Variants in SATL1 observed in about 807,000 individuals in gnomAD.
The protein encoded by SATL1 is spermidine/spermine N1-acetyl transferase like 1.
Under a neutral mutation model 51.8 loss-of-function variants are expected in SATL1, and 47 were observed. That is an observed-to-expected ratio of 0.91 (90% CI 0.72 to 1.16). The LOEUF (loss-of-function observed/expected upper bound fraction) is 1.16, where lower values mean the gene tolerates loss of function less well. Among genes scored for constraint, SATL1 ranks in the 50% most tolerant of loss-of-function variants. The pLI is 0.00. For missense variants in SATL1, 520 were observed against 526.4 expected (o/e 0.99, Z 0.12); for synonymous variants, 176 against 182.4 (o/e 0.97, Z 0.28).
intron 2 of SATL1, among the ~76,000 whole-genome samples, chrX:85,220,502 C>T (rs2147760569): frequency 9.3e-6 from 1 of 107,403 alleles, no homozygotes; most frequent in African/African-American, 3.4e-5. Context: ...CCCCTTTCTT[C>T]CTCTTGAGGT....
chrX:85,142,312 C>T (rs944416419), intron 2 of SATL1, among the ~76,000 whole-genome samples: 2 of 103,567 alleles, frequency 1.9e-5, no homozygotes, highest in African/African-American at 3.6e-5. Context: ...AGGAGAATGG[C>T]GTGAACCCGG....
chrX:85,127,279 A>G (rs1336251637), intron 2 of SATL1, among the ~76,000 whole-genome samples: 2 of 111,416 alleles, frequency 1.8e-5, no homozygotes, highest in African/African-American at 6.5e-5. Flanking sequence ...TAAGGCAGGG[A>G]TAATATTTGC....
intron 2 of SATL1, among the ~76,000 whole-genome samples, chrX:85,216,043 G>C (rs1398976392): frequency 2.7e-5 from 3 of 112,043 alleles, no homozygotes; most frequent in Admixed American, 1.9e-4. Context: ...CTGCAGGCTA[G>C]ATGACCGGGA....
chrX:85,178,322 AC>A (rs1174447930), intron 2 of SATL1, among the ~76,000 whole-genome samples: 1 of 111,586 alleles, frequency 9.0e-6, no homozygotes, highest in Non-Finnish European at 1.9e-5. Flanking sequence ...AATTCTGGAG[AC>A]CATCTATTTA....
intron 2 of SATL1, among the ~76,000 whole-genome samples, chrX:85,131,923 G>C (rs896785852): frequency 5.4e-5 from 6 of 111,337 alleles, no homozygotes; most frequent in East Asian, 2.8e-4. Context: ...AGTTTGGCTG[G>C]ATATGAAATT....
chrX:85,223,390 C>T (rs1928212057), intron 2 of SATL1, among the ~76,000 whole-genome samples: 1 of 110,825 alleles, frequency 9.0e-6, no homozygotes, highest in Non-Finnish European at 1.9e-5. Flanking sequence ...CTCATATGAC[C>T]TCAAAAAAGA....
At position 85,154,617 on chromosome X, in the gene SATL1, G is replaced by A. The variant is rs762372720; in HGVS notation, c.-312-45337C>T. Among the ~76,000 whole-genome samples the A allele has an allele frequency of 8.9e-5, 10 of 112,157 alleles. 1 individual carries two copies. In the East Asian group the frequency reaches 2.5e-3, roughly 29 times the overall value. On this transcript the variant is annotated intron_variant, in intron 2 of 7. Coordinates refer to ENST00000644105, the MANE Select transcript of SATL1 (RefSeq NM_001367857.2). ...AGGCACAAAAAGATCAAATAACTTA[G>A]CCAAGGTTACAGGCCTAACTCTGAA...
chrX:85,154,203 A>G (rs1408771459), intron 2 of SATL1, among the ~76,000 whole-genome samples: 1 of 111,120 alleles, frequency 9.0e-6, no homozygotes, highest in African/African-American at 3.3e-5. Flanking sequence ...TTTCCTTCCC[A>G]CCAAGGGTCA....
chrX:85,205,985 G>C (rs1381639680), intron 2 of SATL1, among the ~76,000 whole-genome samples: 4 of 111,639 alleles, frequency 3.6e-5, no homozygotes, highest in Non-Finnish European at 7.5e-5. Flanking sequence ...ATGAAGGAAA[G>C]ACAGAAATCA....
At chrX:85,115,708 A>G (rs961548646) in intron 2 of SATL1, among the ~76,000 whole-genome samples, 2 of 112,248 alleles carry the variant, frequency 1.8e-5, no homozygotes, top group Non-Finnish European at 3.8e-5. Context: ...CAAAACACAC[A>G]CAGAGAGAAC....
chrX:85,197,203 C>G (rs1927584468), intron 2 of SATL1, among the ~76,000 whole-genome samples: 1 of 111,340 alleles, frequency 9.0e-6, no homozygotes, highest in Admixed American at 9.6e-5. Context: ...ACATTTCTCT[C>G]ATTTTAATTT....
chrX:85,206,477 A>G (rs1927793864), intron 2 of SATL1, among the ~76,000 whole-genome samples: 1 of 111,941 alleles, frequency 8.9e-6, no homozygotes, highest in Admixed American at 9.5e-5. Context: ...CTACTGTATT[A>G]AGAAGTGCTA....
chrX:85,220,687 A>AAAAAAAT, intron 2 of SATL1, among the ~76,000 whole-genome samples: 3 of 91,902 alleles, frequency 3.3e-5, no homozygotes, highest in Non-Finnish European at 6.3e-5. Context: ...AAAAAAAAAA[A>AAAAAAAT]CTCTCCTGGA....
intron 1 of SATL1, among the ~76,000 whole-genome samples, chrX:85,236,884 G>T (rs897341517): frequency 3.9e-4 from 43 of 111,579 alleles, no homozygotes; most frequent in African/African-American, 1.4e-3. Flanking sequence ...TTAAAAGGAA[G>T]AAGTCAAATT....
intron 2 of SATL1, among the ~76,000 whole-genome samples, chrX:85,217,206 G>C (rs1260421382): frequency 2.7e-5 from 3 of 111,301 alleles, no homozygotes; most frequent in Non-Finnish European, 5.7e-5. Context: ...TAAAAGCTCA[G>C]AGGGTAGTGA....
rs760374442 is a variant in SATL1, at chrX:85,131,980, A to G, written c.-312-22700T>C. 1.1e-4 allele frequency among the ~76,000 whole-genome samples: 12 copies of G among 111,610 alleles called. No individual in the cohort carries two copies. The East Asian group carries it at 2.8e-3, about 26-fold the overall frequency. On this transcript the variant is annotated intron_variant, in intron 2 of 7. Coordinates refer to ENST00000644105, the MANE Select transcript of SATL1 (RefSeq NM_001367857.2). The stretch of plus-strand genomic sequence containing the variant: ...TTAAGAATACTGAATACTGGCCCCC[A>G]GTCTCTTCTGGCTTGTAAGGTTTCT...
At chrX:85,227,273 T>C (rs1413345297) in intron 1 of SATL1, among the ~76,000 whole-genome samples, 1 of 111,740 alleles carries the variant, frequency 8.9e-6, no homozygotes, top group Admixed American at 9.6e-5. Context: ...TTCCTATCTC[T>C]CTTCATTCTA....
Position 85,108,294 on chromosome X carries a change from T to C in SATL1, c.675A>G (p.Gln225=). ...QPGMSQQVPS[Q]PGIRQPDTSQ... ...TAGTGTCTGGTTGCCTTATGCCTGG[T>C]TGGCTGGGGACTTGCTGGCTCATGC... is the stretch of plus-strand genomic sequence containing the variant. The change falls in exon 3 of 8, where the codon CAA becomes CAG. Residue 225 remains glutamine (Q), a synonymous_variant. Transcript: ENST00000644105. 1 of 1,211,875 alleles carries C rather than the reference T, an allele frequency of 8.3e-7. No homozygotes were observed. The highest frequency in any genetic ancestry group is 1.1e-6 in the Non-Finnish European group (1 of 895,559).
At chrX:85,127,844 G>C (rs779848513) in intron 2 of SATL1, among the ~76,000 whole-genome samples, 1 of 110,441 alleles carries the variant, frequency 9.1e-6, no homozygotes, top group Non-Finnish European at 1.9e-5. Flanking sequence ...CCTGCCCTAT[G>C]TCCAAGTGTT....
Sources: allele counts gnomAD v4.1 joint callset (sites outside exome capture counted in the v4.1 genomes callset), GRCh38; gene constraint gnomAD v4.1.1; transcripts MANE v1.5; gene names NCBI Gene and HGNC (gene_info 2026-07-23, HGNC 2026-07-21).